The following MTCH2 variants were observed in gnomAD, a reference collection of about 807,000 sequenced individuals.
MTCH2 encodes mitochondrial carrier 2, also known as mitochondrial carrier homolog 2.
Under a neutral mutation model 50.6 loss-of-function variants are expected in MTCH2, and 25 were observed. The ratio of observed to expected loss-of-function variants is 0.49; its 90% CI spans 0.36 to 0.69. The LOEUF (loss-of-function observed/expected upper bound fraction) is 0.69. Ranked by LOEUF, MTCH2 falls within the 30% of genes least tolerant of loss-of-function variation. MTCH2 has a pLI of 0.00. For synonymous variants in MTCH2, 106 were observed against 132.0 expected (o/e 0.80, Z 1.35); for missense variants, 273 against 384.4 (o/e 0.71, Z 2.42).
intron 9 of MTCH2, 22 bp from the exon 10 acceptor site, chr11:47,627,149 A>T: frequency 6.6e-7 from 1 of 1,520,590 alleles, no homozygotes; most frequent in South Asian, 1.2e-5. Flanking sequence ...AAAGAGCCTT[A>T]AATTAATTAC....
At chr11:47,605,868 C>G in the MTCH2 span, among the ~76,000 whole-genome samples, 4 of 152,290 alleles carry the variant, frequency 2.6e-5, no homozygotes, top group East Asian at 5.8e-4. Flanking sequence ...ATATTTTTAT[C>G]ATTTTCGCCG....
At chr11:47,630,420 C>T (rs1277191654) in intron 8 of MTCH2, 135 bp downstream of exon 8, 5 of 753,272 alleles carry the variant, frequency 6.6e-6, no homozygotes, top group African/African-American at 1.8e-5. Flanking sequence ...AAATAAGGGG[C>T]CTAAATAGAA....
chr11:47,640,055 G>T (rs549534594), intron 1 of MTCH2, among the ~76,000 whole-genome samples: 1 of 151,966 alleles, frequency 6.6e-6, no homozygotes, highest in Non-Finnish European at 1.5e-5. Flanking sequence ...CTGGGCTGGC[G>T]TGGTGGCTCA....
chr11:47,612,159 A>G, the MTCH2 span, among the ~76,000 whole-genome samples: 1 of 152,244 alleles, frequency 6.6e-6, no homozygotes, highest in Non-Finnish European at 1.5e-5. Context: ...TACACCAGTA[A>G]TCCCAGCACT....
chr11:47,642,176 G>A (rs1257389298), intron 1 of MTCH2, among the ~76,000 whole-genome samples: 1 of 152,152 alleles, frequency 6.6e-6, no homozygotes, highest in African/African-American at 2.4e-5. Context: ...AACGCTGGGC[G>A]GCGAGGCGAG....
intron 6 of MTCH2, 32 bp downstream of exon 6, chr11:47,631,622 A>T: frequency 6.2e-7 from 1 of 1,612,128 alleles, no homozygotes; most frequent in Non-Finnish European, 8.5e-7. Flanking sequence ...TCAGGTTATA[A>T]AAGAAAGGTC....
chr11:47,627,159 C>T (rs2097298944), intron 9 of MTCH2, 32 bp from the exon 10 acceptor site: 2 of 1,430,300 alleles, frequency 1.4e-6, no homozygotes, highest in African/African-American at 1.4e-5. Context: ...AAATTAATTA[C>T]CTACAACACT....
At position 47,637,751 on chromosome 11, in the gene MTCH2, T is replaced by C. The variant is rs540550990; in HGVS notation, c.279+948A>G. 7.2e-5 allele frequency among the ~76,000 whole-genome samples: 11 copies of C among 152,300 alleles called. No homozygotes were observed. The South Asian group carries it at 1.9e-3, about 26-fold the overall frequency. On this transcript the variant is annotated intron_variant, in intron 3 of 12. Transcript: ENST00000302503. ...ACAACATTTTCTCTTGTAAAAAGAA[T>C]TGTGTTTAAAAAAATCACGGGCAAG...
chr11:47,633,964 G>A (rs970432088), intron 5 of MTCH2, among the ~76,000 whole-genome samples: 8 of 152,140 alleles, frequency 5.3e-5, no homozygotes, highest in African/African-American at 1.9e-4. Context: ...AAACACCTAT[G>A]GCAGCATATG....
At chr11:47,639,574 A>C (rs1034604396) in intron 1 of MTCH2, among the ~76,000 whole-genome samples, 5 of 152,232 alleles carry the variant, frequency 3.3e-5, no homozygotes, top group African/African-American at 9.6e-5. Flanking sequence ...GCAGTGGCTC[A>C]TGCCTTGTAA....
downstream of MTCH2, among the ~76,000 whole-genome samples, chr11:47,612,671 T>A (rs1183450702): frequency 6.7e-6 from 1 of 149,582 alleles, no homozygotes; most frequent in Non-Finnish European, 1.5e-5. Flanking sequence ...TGCAGTGAGC[T>A]GAGACTGCAC....
the MTCH2 span, among the ~76,000 whole-genome samples, chr11:47,604,815 AAAAT>A: frequency 2.0e-5 from 3 of 152,242 alleles, no homozygotes; most frequent in Non-Finnish European, 2.9e-5. Context: ...TTTATGTGAA[AAAAT>A]AAAAAGCATG....
downstream of MTCH2, among the ~76,000 whole-genome samples, chr11:47,616,232 C>T (rs1183023763): frequency 2.6e-5 from 4 of 152,072 alleles, no homozygotes; most frequent in East Asian, 5.8e-4. Flanking sequence ...CAGCCCACCC[C>T]ACACTCTTCT....
chr11:47,619,902 C>A (rs758541333), intron 12 of MTCH2, among the ~76,000 whole-genome samples: 1 of 152,074 alleles, frequency 6.6e-6, no homozygotes, highest in Non-Finnish European at 1.5e-5. Flanking sequence ...CATAGTGAAA[C>A]CCCATCTCTA....
chr11:47,628,214 A>G (rs1176142829), intron 9 of MTCH2, among the ~76,000 whole-genome samples: 3 of 152,174 alleles, frequency 2.0e-5, no homozygotes, highest in African/African-American at 4.8e-5. Context: ...CAACTTCTAG[A>G]TAAGACTGAT....
At position 47,625,706 on chromosome 11, in the gene MTCH2, A is replaced by G; in HGVS notation, c.717T>C (p.Leu239=). 6.2e-7 allele frequency: 1 copy of G among 1,613,600 alleles called. No individual in the cohort carries two copies. The highest frequency in any genetic ancestry group is 8.5e-7 in the Non-Finnish European group (1 of 1,179,568). The change falls in exon 11 of 13, where the codon CTT becomes CTC. Residue 239 remains leucine, a synonymous_variant. Transcript: ENST00000302503. ...FASMLTYPFV[L]VSNLMAVNNC... ...TGTTGACAGCCATAAGATTGGAGAC[A>G]AGCACAAAGGGATAGGTCAACATAC... is the stretch of plus-strand genomic sequence containing the variant.
chr11:47,606,277 CAG>C, the MTCH2 span, among the ~76,000 whole-genome samples: 10 of 152,226 alleles, frequency 6.6e-5, no homozygotes, highest in African/African-American at 2.2e-4. Context: ...AGAGGAAAAT[CAG>C]AGTTGAGTAT....
chr11:47,616,443 T>C (rs140836615), downstream of MTCH2, among the ~76,000 whole-genome samples: 460 of 152,110 alleles, frequency 3.0e-3, 1 homozygote, highest in Admixed American at 5.2e-3. Context: ...AGCTCCCAGG[T>C]TCAAGCGATT....
chr11:47,639,165 G>T, intron 1 of MTCH2, 114 bp from the exon 2 acceptor site: 1 of 897,948 alleles, frequency 1.1e-6, no homozygotes, highest in Non-Finnish European at 1.7e-6. Flanking sequence ...AAGTAAAAAT[G>T]CAGCATAGGT....
Sources: gnomAD v4.1 joint callset for allele counts (sites outside exome capture counted in the v4.1 genomes callset) on GRCh38, gnomAD v4.1.1 for gene constraint, MANE v1.5 for transcripts, NCBI Gene and HGNC (gene_info 2026-07-23, HGNC 2026-07-21) for gene names.